The following STAT5A variants were observed in gnomAD, a reference collection of about 807,000 sequenced individuals.
STAT5A encodes the protein signal transducer and activator of transcription 5A, also known as epididymis secretory sperm binding protein.
In STAT5A, 26 loss-of-function variants were observed where a neutral mutation model predicts 100.2. The observed-to-expected ratio is 0.26, with a 90% CI of 0.19 to 0.36. The LOEUF (loss-of-function observed/expected upper bound fraction) is 0.36, where lower values mean the gene tolerates loss of function less well. Ranked by LOEUF, STAT5A falls within the 10% of genes least tolerant of loss-of-function variation. The pLI, the probability that STAT5A is intolerant of heterozygous loss-of-function variation, is 1.00. For missense variants in STAT5A, 634 were observed against 1,027.5 expected (o/e 0.62, Z 5.24); for synonymous variants, 330 against 424.3 (o/e 0.78, Z 2.73).
rs2081043149 is a variant in STAT5A at position 42,307,707 on chromosome 17, C to T, written c.1890C>T (p.Ala630=). ...SDSEIGGITI[A]WKFDSPERNL... is the part of the protein sequence containing the mutation. ...CAGAAATCGGGGGCATCACCATCGC[C>T]TGGAAGTTTGACTCCCGTGAGTGCC... Residue 630 remains alanine (A), a synonymous_variant, in exon 15 of 19, where the codon GCC becomes GCT. Coordinates refer to ENST00000590949, the MANE Select transcript of STAT5A (RefSeq NM_001288718.2). The T allele has an allele frequency of 1.2e-6, 2 of 1,614,094 alleles. No homozygotes were observed. The highest frequency in any genetic ancestry group is 1.7e-6 in the Non-Finnish European group (2 of 1,179,960).
chr17:42,289,378 G>C (rs369335855), intron 1 of STAT5A, 24 bp from the exon 2 acceptor site: 1 of 1,585,924 alleles, frequency 6.3e-7, no homozygotes, highest in East Asian at 2.3e-5. Flanking sequence ...AGAGGAGAGC[G>C]CTTCAGCGCT....
Position 42,304,455 on chromosome 17 carries a change from G to A in STAT5A, c.1257+26G>A, listed in dbSNP as rs951318755. ...GTGAGGACGGGGCCCACCCTCGGAG[G>A]GCAGGTCTGCCCAGAGCTGAGTCCT... On this transcript the variant is annotated intron_variant, in intron 10 of 18. Transcript: ENST00000590949. This position sits in a 1 kb window ranked among gnomAD's most constrained non-coding sequence, Gnocchi z 4.8. 1.9e-6 allele frequency: 3 copies of A among 1,614,216 alleles called. No individual in the cohort carries two copies. The highest frequency in any genetic ancestry group is 1.7e-5 in the Admixed American group (1 of 60,026).
At chr17:42,301,604 C>T in intron 9 of STAT5A, 150 bp downstream of exon 9, 1 of 1,235,528 alleles carries the variant, frequency 8.1e-7, no homozygotes, top group African/African-American at 1.5e-5. Flanking sequence ...AGTCTTCCCA[C>T]CTCAGCCTCC....
At position 42,306,106 on chromosome 17, in the gene STAT5A, C is replaced by G. The variant is rs576248264; in HGVS notation, c.1474-135C>G. 3 of 1,479,400 alleles carry G rather than the reference C, an allele frequency of 2.0e-6. No homozygotes were observed. The East Asian group carries it at 7.3e-5, about 36-fold the overall frequency. The allele number at this position is 1,479,400 out of a possible 1,614,324, so 91.6% of individuals were successfully genotyped here. A position where few individuals can be genotyped will look rare whatever the true frequency, so the allele number is the denominator to read the frequency against. ...TAGTATATAAAAGCCGCCGCATTTCCTGCCCTTGCATTTGTGTCACCTTTC... is the reference window on the plus strand; with the variant it reads ...TAGTATATAAAAGCCGCCGCATTTCGTGCCCTTGCATTTGTGTCACCTTTC... On this transcript the variant is annotated intron_variant, in intron 12 of 18. Transcript: ENST00000590949.
Position 42,292,055 on chromosome 17 carries a change from C to T in STAT5A, c.369C>T (p.Ala123=). The change falls in exon 4 of 19, where the codon GCC becomes GCT. Residue 123 remains alanine, a synonymous_variant. Coordinates refer to ENST00000590949, the MANE Select transcript of STAT5A (RefSeq NM_001288718.2). ...LYNEQRLVRE[A]NNCSSPAGIL... ...ATGAACAGAGGCTGGTCCGAGAAGC[C>T]AACAATGTGAGTGTCCCTTGGGGAT... 6.2e-7 allele frequency: 1 copy of T among 1,613,904 alleles called. No homozygotes were observed. The highest frequency in any genetic ancestry group is 1.7e-5 in the Admixed American group (1 of 60,004).
chr17:42,306,065 G>GA, intron 12 of STAT5A, 176 bp from the exon 13 acceptor site: 4 of 1,147,398 alleles, frequency 3.5e-6, no homozygotes, highest in African/African-American at 1.5e-5. Flanking sequence ...TGCAGGCTGG[G>GA]AAAAAAAGTG....
chr17:42,310,513 C>T lies in STAT5A; in HGVS notation c.2229C>T (p.Asp743=), dbSNP rs2067694. 12,047 of 1,614,126 alleles carry T rather than the reference C, an allele frequency of 7.5e-3. 72 individuals carry two copies. Among genetic ancestry groups the T allele is most frequent in the South Asian group, 0.014 (1,244 of 91,084 alleles). The change falls in exon 19 of 19, where the codon GAC becomes GAT. Residue 743 remains aspartate (D), a synonymous_variant. Coordinates refer to ENST00000590949, the MANE Select transcript of STAT5A (RefSeq NM_001288718.2). Reference sequence around the variant, plus strand: ...ATCCCCCTGTCTTTACCAGCCCTGACCATGTACTCGATCAGGATGGAGAAT... The same window carrying T: ...ATCCCCCTGTCTTTACCAGCCCTGATCATGTACTCGATCAGGATGGAGAAT... ...APYNMYPQNP[D]HVLDQDGEFD...
chr17:42,308,972 C>T lies in STAT5A; in HGVS notation c.2063-75C>T. 6.3e-7 allele frequency: 1 copy of T among 1,590,228 alleles called. No individual in the cohort carries two copies. Among genetic ancestry groups the T allele is most frequent in the South Asian group, 1.1e-5 (1 of 90,496 alleles). Reference sequence around the variant, plus strand: ...GGTGATGTGAGCAGGAGGGAGACTACATGGGGCGTGGGCTTCCACCCCACT... The same window carrying T: ...GGTGATGTGAGCAGGAGGGAGACTATATGGGGCGTGGGCTTCCACCCCACT... On this transcript the variant is annotated intron_variant, in intron 16 of 18. Coordinates refer to ENST00000590949, the MANE Select transcript of STAT5A (RefSeq NM_001288718.2). This position sits in a 1 kb window ranked among gnomAD's most constrained non-coding sequence, Gnocchi z 4.6.
In STAT5A at chr17:42,311,177, AT is replaced by A. The variant is rs377109752; in HGVS notation, c.*510del. ...CTGTCCTCATGTGTTGATGTAACCG[AT>A]TCATCTCTCAGAAGGGAGGCTGGGG... On this transcript the variant is annotated 3_prime_UTR_variant, in exon 19 of 19. Coordinates refer to ENST00000590949, the MANE Select transcript of STAT5A (RefSeq NM_001288718.2). 576 of 162,666 alleles carry A rather than the reference AT, an allele frequency of 3.5e-3. 2 individuals are homozygous for A. The highest frequency in any genetic ancestry group is 5.1e-3 in the Non-Finnish European group (375 of 73,046). The allele number at this position is 162,666 out of a possible 1,614,324, so 10.1% of individuals were successfully genotyped here.
intron 3 of STAT5A, chr17:42,290,267 T>C: frequency 2.3e-6 from 1 of 431,432 alleles, no homozygotes; most frequent in South Asian, 3.8e-5. Context: ...ACTGGCCTTA[T>C]GGAAGCAGCA....
chr17:42,300,911 G>A (rs1470903618), intron 8 of STAT5A, 41 bp downstream of exon 8: 1 of 1,609,380 alleles, frequency 6.2e-7, no homozygotes, highest in East Asian at 2.2e-5. Flanking sequence ...GCTTGGGGCA[G>A]CTCCTGCCTG....
Position 42,292,006 on chromosome 17 carries a change from G to T in STAT5A, c.320G>T (p.Arg107Leu). 1 of 1,613,918 alleles carries T rather than the reference G, an allele frequency of 6.2e-7. No individual in the cohort carries two copies. Among genetic ancestry groups the T allele is most frequent in the Admixed American group, 1.7e-5 (1 of 59,996 alleles). ...TYDRCPLELV[R>L]CIRHILYNEQ... ...GACCGCTGCCCCCTGGAGCTGGTCC[G>T]CTGCATCCGGCACATTCTGTACAAT... Residue 107 changes from arginine (R) to leucine (L), a missense_variant, in exon 4 of 19, where the codon CGC (arginine) becomes CTC (leucine). Transcript: ENST00000590949.
chr17:42,309,759 C>T (rs1012804070), intron 18 of STAT5A: 1 of 375,916 alleles, frequency 2.7e-6, no homozygotes, highest in African/African-American at 2.1e-5. Context: ...ATGCTTGCCT[C>T]ATGAGAATGG....
rs546691234 is a variant in STAT5A, at chr17:42,290,765, C to T, written c.285+743C>T. Among the ~76,000 whole-genome samples, 6 of 152,272 alleles carry T rather than the reference C, an allele frequency of 3.9e-5. No individual in the cohort carries two copies. The East Asian group carries it at 5.8e-4, about 15-fold the overall frequency. Reference sequence around the variant, plus strand: ...GCTCTCTCACTTGGTTGCGTCTGGACGAGTACATAATGTCTGAGCATCAGT... The same window carrying T: ...GCTCTCTCACTTGGTTGCGTCTGGATGAGTACATAATGTCTGAGCATCAGT... On this transcript the variant is annotated intron_variant, in intron 3 of 18. Coordinates refer to ENST00000590949, the MANE Select transcript of STAT5A (RefSeq NM_001288718.2).
At chr17:42,310,447 C>G in intron 18 of STAT5A, 60 bp from the exon 19 acceptor site, 2 of 1,585,258 alleles carry the variant, frequency 1.3e-6, no homozygotes, top group Non-Finnish European at 8.6e-7. Context: ...AGGCTGTCCC[C>G]AGGGAGCTTG....
Position 42,310,745 on chromosome 17 carries a change from T to A in STAT5A, c.*76T>A. On this transcript the variant is annotated 3_prime_UTR_variant, in exon 19 of 19. Transcript: ENST00000590949. The stretch of plus-strand genomic sequence containing the variant: ...TCGTGTTGTGAGTTTAGTAAGGCTG[T>A]GTACACTGACACCTTTGCAGGCATG... 6.3e-7 allele frequency: 1 copy of A among 1,595,712 alleles called. No individual in the cohort carries two copies. The highest frequency in any genetic ancestry group is 1.7e-5 in the Admixed American group (1 of 58,872).
intron 6 of STAT5A, 29 bp downstream of exon 6, chr17:42,299,910 C>T (rs749808850): frequency 1.1e-5 from 18 of 1,589,772 alleles, no homozygotes; most frequent in South Asian, 4.5e-5. Context: ...CTCTCCTGGG[C>T]GTGGGTGCCA....
In STAT5A at chr17:42,300,661, G is replaced by T. The variant is rs1012220934; in HGVS notation, c.834-54G>T. On this transcript the variant is annotated intron_variant, in intron 7 of 18. Coordinates refer to ENST00000590949, the MANE Select transcript of STAT5A (RefSeq NM_001288718.2). The stretch of plus-strand genomic sequence containing the variant: ...AACGGGAGCTGTGTCTTGGGGCCTG[G>T]CGTCTGTGAGGAGAAGCCATTGTCC... 7 of 1,613,404 alleles carry T rather than the reference G, an allele frequency of 4.3e-6. No homozygotes were observed. The African/African-American group carries it at 5.3e-5, about 12-fold the overall frequency.
In STAT5A at chr17:42,289,974, T is replaced by TG; in HGVS notation, c.240dup (p.Phe81ValfsTer19). ...AGGCGGAGCACCAGGTGGGGGAAGA[T>TG]GGGTTTTTACTGAAGATCAAGCTGG... On this transcript the variant is annotated frameshift_variant, in exon 3 of 19. Transcript: ENST00000590949. LOFTEE classifies it high-confidence loss of function. The TG allele has an allele frequency of 6.2e-7, 1 of 1,612,790 alleles. No homozygotes were observed.
Sources: gnomAD v4.1 joint callset for allele counts (sites outside exome capture counted in the v4.1 genomes callset) on GRCh38, gnomAD v4.1.1 for gene constraint, Gnocchi (gnomAD v3.1) non-coding constraint, MANE v1.5 for transcripts, NCBI Gene and HGNC (gene_info 2026-07-23, HGNC 2026-07-21) for gene names.